The following SDK1 variants were observed in gnomAD, a reference collection of about 807,000 sequenced individuals.
The protein encoded by SDK1 is protein sidekick-1.
In SDK1, 157 loss-of-function variants were observed where a neutral mutation model predicts 245.5. The observed-to-expected ratio is 0.64, with a 90% confidence interval of 0.56 to 0.73. SDK1 has a LOEUF of 0.73. Ranked by LOEUF, SDK1 falls within the 30% of genes least tolerant of loss-of-function variation. The pLI is 0.00. For missense variants in SDK1, 3,583 were observed against 3,002.3 expected, an observed-to-expected ratio of 1.19 and a Z score of -4.52; for synonymous variants, 1,647 against 1,278.5, an observed-to-expected ratio of 1.29 and a Z score of -6.15.
chr7:3,346,829 T>TATAA (rs1780520050), intron 1 of SDK1, among the ~76,000 whole-genome samples: 1 of 71,886 alleles, frequency 1.4e-5, no homozygotes, highest in Non-Finnish European at 2.8e-5. Flanking sequence ...ATATATATAT[T>TATAA]TTTTTTTTTT....
Position 3,641,982 on chromosome 7 carries a change from A to G in SDK1, c.590A>G (p.Asp197Gly). 1 of 1,614,034 alleles carries G rather than the reference A, an allele frequency of 6.2e-7. No individual in the cohort carries two copies. Among genetic ancestry groups the G allele is most frequent in the Non-Finnish European group, 8.5e-7 (1 of 1,179,966 alleles). ...GATATGGGAAGTTTCATGGATACGG[A>G]CCAGAGGAAAACAGTTTCTCAAGGA... ...VAYMGSFMDTDQRKTVSQGRA... is the reference protein window; with the variant it reads ...VAYMGSFMDTGQRKTVSQGRA... The change falls in exon 4 of 45, where the codon GAC becomes GGC. Residue 197 changes from aspartate to glycine, a missense_variant. By Grantham distance (94) the Asp-to-Gly change is moderately conservative. Coordinates refer to ENST00000404826, the MANE Select transcript of SDK1 (RefSeq NM_152744.4).
At chr7:3,419,942 G>T (rs770864347) in intron 1 of SDK1, among the ~76,000 whole-genome samples, 13 of 152,176 alleles carry the variant, frequency 8.5e-5, no homozygotes, top group Non-Finnish European at 1.9e-4. Flanking sequence ...AGCCGTTAGA[G>T]ATGTACCAGT....
intron 1 of SDK1, among the ~76,000 whole-genome samples, chr7:3,383,999 C>T (rs899137628): frequency 4.6e-5 from 7 of 152,020 alleles, no homozygotes; most frequent in African/African-American, 1.2e-4. Context: ...CATTTATTAT[C>T]CTTATAGAAC....
intron 1 of SDK1, among the ~76,000 whole-genome samples, chr7:3,539,971 A>C (rs929816429): frequency 5.9e-5 from 9 of 152,286 alleles, no homozygotes; most frequent in African/African-American, 2.2e-4. Context: ...AATTTTTTTT[A>C]GATTTAAGTA....
chr7:3,351,687 G>C (rs1780663737), intron 1 of SDK1, among the ~76,000 whole-genome samples: 1 of 152,160 alleles, frequency 6.6e-6, no homozygotes, highest in African/African-American at 2.4e-5. Context: ...TAGAGATGAA[G>C]AGGATCACTG....
intron 17 of SDK1, among the ~76,000 whole-genome samples, chr7:4,023,569 A>C (rs1328606679): frequency 6.6e-6 from 1 of 152,180 alleles, no homozygotes; most frequent in Admixed American, 6.5e-5. Flanking sequence ...AGAAATCAAT[A>C]CGCTTTTGGT....
At chr7:3,951,157 G>C in intron 6 of SDK1, 123 bp downstream of exon 6, 1 of 724,404 alleles carries the variant, frequency 1.4e-6, no homozygotes, top group Admixed American at 2.2e-5. Context: ...TTGTTTGGCC[G>C]GGTGGGCCAT....
At chr7:3,752,011 A>G (rs1358835318) in intron 4 of SDK1, among the ~76,000 whole-genome samples, 1 of 152,226 alleles carries the variant, frequency 6.6e-6, no homozygotes, top group Non-Finnish European at 1.5e-5. Context: ...CTTTCAGCCA[A>G]TGGGAAAAGT....
At chr7:3,504,686 A>C (rs746809501) in intron 1 of SDK1, among the ~76,000 whole-genome samples, 1 of 152,176 alleles carries the variant, frequency 6.6e-6, no homozygotes, top group African/African-American at 2.4e-5. Context: ...TAAAACTATG[A>C]AACTCTCAGA....
chr7:3,428,573 G>T (rs1779741456), intron 1 of SDK1, among the ~76,000 whole-genome samples: 2 of 152,110 alleles, frequency 1.3e-5, no homozygotes, highest in South Asian at 4.1e-4. Flanking sequence ...AATACAAATG[G>T]ATTGTCTTCA....
rs557456835 is a variant in SDK1 at position 4,120,000 on chromosome 7, TAAATG to T, written c.3823+5727_3823+5731del. On this transcript the variant is annotated intron_variant, in intron 25 of 44. Coordinates refer to ENST00000404826, the MANE Select transcript of SDK1 (RefSeq NM_152744.4). Reference sequence around the variant, plus strand: ...AAAGCAGATTTGTTTTTAGAAAAAATAAATGGGACACAGTCATTGAAAATGAAAGC... The same window carrying T: ...AAAGCAGATTTGTTTTTAGAAAAAATGGACACAGTCATTGAAAATGAAAGC... 2.9e-3 allele frequency among the ~76,000 whole-genome samples: 439 copies of T among 149,022 alleles called. 33 individuals are homozygous for T. Among genetic ancestry groups the T allele is most frequent in the African/African-American group, 9.7e-3 (397 of 40,882 alleles).
chr7:3,645,818 C>G (rs191237234), intron 4 of SDK1, among the ~76,000 whole-genome samples: 2 of 151,968 alleles, frequency 1.3e-5, no homozygotes, highest in Non-Finnish European at 2.9e-5. Flanking sequence ...AAGGTGCTTC[C>G]CACATATTGA....
At chr7:3,967,066 C>T (rs1355263477) in intron 9 of SDK1, among the ~76,000 whole-genome samples, 1 of 152,326 alleles carries the variant, frequency 6.6e-6, no homozygotes, top group African/African-American at 2.4e-5. Context: ...TCTTCCTGGG[C>T]CCCTGCACGT....
At chr7:3,462,567 C>T (rs1780866678) in intron 1 of SDK1, among the ~76,000 whole-genome samples, 1 of 152,146 alleles carries the variant, frequency 6.6e-6, no homozygotes, top group South Asian at 2.1e-4. Flanking sequence ...GATATTTCTA[C>T]TTATATCTTT....
intron 13 of SDK1, among the ~76,000 whole-genome samples, chr7:3,978,073 G>C (rs1007918545): frequency 1.3e-5 from 2 of 151,994 alleles, no homozygotes; most frequent in African/African-American, 2.4e-5. Flanking sequence ...CTTCCTTTCG[G>C]GTCTCAGACA....
At chr7:3,488,129 T>C (rs1781758094) in intron 1 of SDK1, among the ~76,000 whole-genome samples, 1 of 152,224 alleles carries the variant, frequency 6.6e-6, no homozygotes, top group South Asian at 2.1e-4. Flanking sequence ...CTTTTATCTT[T>C]ACTTTGCCAT....
chr7:3,787,209 C>T (rs1433268207), intron 4 of SDK1, among the ~76,000 whole-genome samples: 1 of 151,494 alleles, frequency 6.6e-6, no homozygotes, highest in African/African-American at 2.4e-5. Flanking sequence ...AAACTTTTCT[C>T]AGTGGACTAT....
intron 19 of SDK1, among the ~76,000 whole-genome samples, chr7:4,053,768 C>T (rs1779030427): frequency 6.6e-6 from 1 of 152,160 alleles, no homozygotes; most frequent in African/African-American, 2.4e-5. Context: ...CAATCAATCC[C>T]TCCTCACAAA....
At position 3,466,597 on chromosome 7, in the gene SDK1, CTG is replaced by C. The variant is rs747454824; in HGVS notation, c.299-152481_299-152480del. Among the ~76,000 whole-genome samples, 6 of 151,110 alleles carry C rather than the reference CTG, an allele frequency of 4.0e-5. No individual in the cohort carries two copies. In the South Asian group the frequency reaches 6.4e-4, roughly 16 times the overall value. ...CACTCTTATCTCGATATGAGGATAT[CTG>C]TTTTTTGAGCATGTTCCATATCCAT... On this transcript the variant is annotated intron_variant, in intron 1 of 44. Coordinates refer to ENST00000404826, the MANE Select transcript of SDK1 (RefSeq NM_152744.4).
Sources: gnomAD v4.1 joint callset for allele counts (sites outside exome capture counted in the v4.1 genomes callset) on GRCh38, gnomAD v4.1.1 for gene constraint, MANE v1.5 for transcripts, NCBI Gene and HGNC (gene_info 2026-07-23, HGNC 2026-07-21) for gene names.